PRLR: variants seen among roughly 807,000 people sequenced by gnomAD.
The protein encoded by PRLR is hPRL receptor.
In PRLR, 13 loss-of-function variants were observed where a neutral mutation model predicts 40.2. The observed-to-expected ratio is 0.32, with a 90% CI of 0.21 to 0.51. PRLR has a LOEUF of 0.51. Among genes scored for constraint, PRLR ranks in the 20% least tolerant of loss-of-function variants. The pLI is 0.97. For missense variants in PRLR, 656 were observed against 747.3 expected, an observed-to-expected ratio of 0.88 and a Z score of 1.42; for synonymous variants, 269 against 278.7, an observed-to-expected ratio of 0.97 and a Z score of 0.35.
At chr5:35,229,133 TA>T (rs1431582747) in intron 1 of PRLR, among the ~76,000 whole-genome samples, 12 of 147,678 alleles carry the variant, frequency 8.1e-5, no homozygotes, top group Non-Finnish European at 1.5e-4. Flanking sequence ...ATTTCTATAA[TA>T]TATATATATA....
chr5:35,218,878 T>C (rs1776349307), intron 1 of PRLR, among the ~76,000 whole-genome samples: 1 of 152,182 alleles, frequency 6.6e-6, no homozygotes, highest in African/African-American at 2.4e-5. Flanking sequence ...AACTTTGGTT[T>C]CTTCAGTCTT....
chr5:35,152,026 GAA>G (rs1774357259), intron 1 of PRLR, among the ~76,000 whole-genome samples: 1 of 152,136 alleles, frequency 6.6e-6, no homozygotes, highest in East Asian at 1.9e-4. Context: ...GTGTTTTTCA[GAA>G]ATTCACAAAG....
At chr5:35,145,048 A>G (rs1019246811) in intron 1 of PRLR, among the ~76,000 whole-genome samples, 3 of 152,178 alleles carry the variant, frequency 2.0e-5, no homozygotes, top group African/African-American at 7.2e-5. Flanking sequence ...TCTCCTTTGT[A>G]TTCGTGATAA....
intron 1 of PRLR, among the ~76,000 whole-genome samples, chr5:35,163,997 A>G (rs2111916180): frequency 6.6e-6 from 1 of 152,246 alleles, no homozygotes; most frequent in East Asian, 1.9e-4. Context: ...GGCAATTCAT[A>G]TACTGAAAAC....
At chr5:35,142,971 A>G (rs1042271268) in intron 1 of PRLR, among the ~76,000 whole-genome samples, 1 of 152,274 alleles carries the variant, frequency 6.6e-6, no homozygotes, top group Non-Finnish European at 1.5e-5. Flanking sequence ...CATGCAAAGT[A>G]CTTGAGTGCC....
intron 1 of PRLR, among the ~76,000 whole-genome samples, chr5:35,216,132 G>T (rs190316863): frequency 6.6e-6 from 1 of 152,078 alleles, no homozygotes. Context: ...TATCAACAAG[G>T]CTTCTGGAAA....
chr5:35,210,053 G>T (rs751813357), intron 1 of PRLR, among the ~76,000 whole-genome samples: 1 of 152,016 alleles, frequency 6.6e-6, no homozygotes, highest in Admixed American at 6.6e-5. Flanking sequence ...ATTCAGCTTG[G>T]CTCATACACA....
intron 2 of PRLR, among the ~76,000 whole-genome samples, chr5:35,107,691 C>T (rs1772359390): frequency 2.0e-5 from 3 of 152,106 alleles, no homozygotes; most frequent in African/African-American, 7.2e-5. Flanking sequence ...AGTCGAATCC[C>T]TGAATAGACC....
chr5:35,097,560 T>A (rs1771608396), intron 2 of PRLR, among the ~76,000 whole-genome samples: 1 of 152,052 alleles, frequency 6.6e-6, no homozygotes, highest in South Asian at 2.1e-4. Flanking sequence ...ATGACCCTCC[T>A]TCAAGGAGCT....
At chr5:35,094,336 A>G (rs1250558105) in intron 2 of PRLR, among the ~76,000 whole-genome samples, 1 of 152,212 alleles carries the variant, frequency 6.6e-6, no homozygotes, top group Non-Finnish European at 1.5e-5. Flanking sequence ...TGTAGGATTC[A>G]TCCTTGTTGT....
intron 1 of PRLR, among the ~76,000 whole-genome samples, chr5:35,184,407 G>A (rs984196592): frequency 2.8e-4 from 42 of 152,084 alleles, no homozygotes; most frequent in African/African-American, 8.2e-4. Flanking sequence ...CCAGCTACTC[G>A]GTAGGCTGAG....
chr5:35,133,406 G>A (rs902608761), intron 1 of PRLR, among the ~76,000 whole-genome samples: 3 of 152,172 alleles, frequency 2.0e-5, no homozygotes, highest in Non-Finnish European at 4.4e-5. Flanking sequence ...CACCTGGTGA[G>A]TCAGAGACCA....
intron 1 of PRLR, among the ~76,000 whole-genome samples, chr5:35,218,557 TAGGAAGGA>T (rs1438127530): frequency 6.6e-6 from 1 of 152,072 alleles, no homozygotes; most frequent in Non-Finnish European, 1.5e-5. Flanking sequence ...TTACTATCAT[TAGGAAGGA>T]AGGAAGGTCT....
chr5:35,099,370 G>A (rs62355484), intron 2 of PRLR, among the ~76,000 whole-genome samples: 57,512 of 152,116 alleles, frequency 0.38, 14,009 homozygotes, highest in Non-Finnish European at 0.55. Flanking sequence ...GCTTTACGCC[G>A]TGTTTGTGGT....
intron 2 of PRLR, among the ~76,000 whole-genome samples, chr5:35,103,754 G>T (rs998505442): frequency 2.0e-5 from 3 of 152,130 alleles, no homozygotes; most frequent in African/African-American, 7.2e-5. Context: ...ATTACCATAA[G>T]AACAATAGAA....
intron 1 of PRLR, among the ~76,000 whole-genome samples, chr5:35,120,852 G>C (rs191206832): frequency 1.3e-5 from 2 of 152,298 alleles, no homozygotes; most frequent in Admixed American, 1.3e-4. Flanking sequence ...TTCTTCAAGA[G>C]CCAAATAGTA....
intron 5 of PRLR, among the ~76,000 whole-genome samples, chr5:35,083,648 T>A (rs1770669830): frequency 6.6e-6 from 1 of 151,590 alleles, no homozygotes; most frequent in Admixed American, 6.6e-5. Flanking sequence ...GCCTCCTGAG[T>A]AGCTGGGATT....
At chr5:35,222,295 C>T (rs1395704818) in intron 1 of PRLR, among the ~76,000 whole-genome samples, 1 of 87,490 alleles carries the variant, frequency 1.1e-5, no homozygotes, top group Non-Finnish European at 2.5e-5. Context: ...GAGCAAGACT[C>T]CATCCAAAAG....
exon 9 of PRLR, chr5:35,049,394 A>G (rs1476290442): frequency 2.8e-6 from 2 of 702,990 alleles, no homozygotes; most frequent in East Asian, 2.7e-5. Context: ...GAGGCACCCA[A>G]CATCAAGGGG....
Sources: gnomAD v4.1 joint callset for allele counts (sites outside exome capture counted in the v4.1 genomes callset) on GRCh38, gnomAD v4.1.1 for gene constraint, MANE v1.5 for transcripts, NCBI Gene and HGNC (gene_info 2026-07-23, HGNC 2026-07-21) for gene names.